Variants in ITGAD observed in about 807,000 individuals in gnomAD.
The protein encoded by ITGAD is integrin alpha-D.
A neutral mutation model predicts 139.0 loss-of-function variants in ITGAD; 105 were observed. That is an observed-to-expected ratio of 0.76 (90% confidence interval 0.65 to 0.89). The LOEUF (loss-of-function observed/expected upper bound fraction) is 0.89. Among genes scored for constraint, ITGAD ranks in the 40% least tolerant of loss-of-function variants. ITGAD has a pLI of 0.00. For missense variants in ITGAD, 1,384 were observed against 1,487.3 expected (o/e 0.93, Z 1.14); for synonymous variants, 569 against 598.3 (o/e 0.95, Z 0.71).
At position 31,411,429 on chromosome 16, in the gene ITGAD, T is replaced by C. The variant is rs768096609; in HGVS notation, c.1619T>C (p.Ile540Thr). 111 of 1,614,070 alleles carry C rather than the reference T, an allele frequency of 6.9e-5. 1 individual carries two copies. Among genetic ancestry groups the C allele is most frequent in the South Asian group, 6.7e-4 (61 of 91,084 alleles). Reference protein sequence around the residue: ...VNEDKLIDVAIGAPGEQENRG... With the variant: ...VNEDKLIDVATGAPGEQENRG... ...GAGGACAAGCTGATAGACGTGGCCA[T>C]TGGGGCCCCGGGAGAGCAGGAGAAC... The change falls in exon 14 of 30, where the codon ATT becomes ACT. Residue 540 changes from isoleucine (I) to threonine (T), a missense_variant. Physicochemically the swap from Ile to Thr is moderately conservative, Grantham distance 89 (BLOSUM62 -1). Transcript: ENST00000389202.
At chr16:31,410,199 G>A (rs1230494696) in intron 10 of ITGAD, among the ~76,000 whole-genome samples, 196 bp from the exon 11 acceptor site, 1 of 152,174 alleles carries the variant, frequency 6.6e-6, no homozygotes, top group Non-Finnish European at 1.5e-5. Context: ...GGCAGACAGG[G>A]TGGAGAGTGA....
At chr16:31,397,696 TGGG>T in intron 4 of ITGAD, 30 bp downstream of exon 4, 1 of 209,038 alleles carries the variant, frequency 4.8e-6, no homozygotes, top group Non-Finnish European at 7.8e-6. Flanking sequence ...CACGGGGGGG[TGGG>T]GTGGGGCGGG....
At position 31,400,500 on chromosome 16, in the gene ITGAD, A is replaced by C. The variant is rs115151737; in HGVS notation, c.428-1615A>C. Among the ~76,000 whole-genome samples, 453 of 152,046 alleles carry C rather than the reference A, an allele frequency of 3.0e-3. 1 individual carries two copies. The highest frequency in any genetic ancestry group is 8.9e-3 in the African/African-American group (367 of 41,452). On this transcript the variant is annotated intron_variant, in intron 5 of 29. Transcript: ENST00000389202. Reference sequence around the variant, plus strand: ...ACTGGGCCCTGAACACAGGCCACACACCCCCCATGAGCCTGGGGACAGCAT... The same window carrying C: ...ACTGGGCCCTGAACACAGGCCACACCCCCCCCATGAGCCTGGGGACAGCAT...
chr16:31,394,244 T>A lies in ITGAD; in HGVS notation c.40T>A (p.Ser14Thr). 2 of 1,613,138 alleles carry A rather than the reference T, an allele frequency of 1.2e-6. No individual in the cohort carries two copies. Among genetic ancestry groups the A allele is most frequent in the Non-Finnish European group, 1.7e-6 (2 of 1,179,290 alleles). Residue 14 changes from serine to threonine, a missense_variant, in exon 2 of 30, where the codon TCT becomes ACT. Physicochemically the swap from Ser to Thr is moderately conservative, Grantham distance 58. Coordinates refer to ENST00000389202, the MANE Select transcript of ITGAD (RefSeq NM_005353.3). ...GTVLLLSVLA[S>T]YHGFNLDVEE... Reference sequence around the variant, plus strand: ...CACCAAATATTCCTCAGTCCTGGCTTCTTATCATGGATTCAACCTGGATGT... The same window carrying A: ...CACCAAATATTCCTCAGTCCTGGCTACTTATCATGGATTCAACCTGGATGT...
At chr16:31,421,670 A>G (rs1358265311) in intron 23 of ITGAD, among the ~76,000 whole-genome samples, 3 of 151,950 alleles carry the variant, frequency 2.0e-5, no homozygotes, top group African/African-American at 4.8e-5. Flanking sequence ...CCTGGTCACA[A>G]CTCTACTACA....
chr16:31,399,480 T>C (rs548315731), intron 5 of ITGAD, among the ~76,000 whole-genome samples: 1 of 152,138 alleles, frequency 6.6e-6, no homozygotes, highest in East Asian at 1.9e-4. Flanking sequence ...ACAGGCATGC[T>C]GGGCCTTTAG....
chr16:31,397,837 T>C lies in ITGAD; in HGVS notation c.355T>C (p.Tyr119His). ...TLHRVCGENS[Y>H]SKGSCLLLGS... ...GCACAGAGTCTGTGGGGAGAACTCA[T>C]ACTCAAAGGGTTCCTGCCTCCTGCT... is the stretch of plus-strand genomic sequence containing the variant. Residue 119 changes from tyrosine (Y) to histidine (H), a missense_variant, in exon 5 of 30, where the codon TAC (tyrosine) becomes CAC (histidine). Coordinates refer to ENST00000389202, the MANE Select transcript of ITGAD (RefSeq NM_005353.3). The C allele has an allele frequency of 6.2e-7, 1 of 1,613,700 alleles. No individual in the cohort carries two copies. The highest frequency in any genetic ancestry group is 2.2e-5 in the East Asian group (1 of 44,862).
At chr16:31,419,925 T>C (rs1420660345) in intron 23 of ITGAD, among the ~76,000 whole-genome samples, 1 of 152,104 alleles carries the variant, frequency 6.6e-6, no homozygotes, top group Non-Finnish European at 1.5e-5. Flanking sequence ...ATACCATAGC[T>C]CTTGCTGCTT....
At chr16:31,419,812 C>CAAAA (rs1202333629) in intron 23 of ITGAD, among the ~76,000 whole-genome samples, 2,415 of 58,196 alleles carry the variant, frequency 0.041, 119 homozygotes, top group African/African-American at 0.13. Context: ...GGCTCTGTCT[C>CAAAA]AAAAAAAAAA....
At chr16:31,423,289 G>T in intron 24 of ITGAD, 63 bp from the exon 25 acceptor site, 1 of 1,582,358 alleles carries the variant, frequency 6.3e-7, no homozygotes. Context: ...GTAGGGCCAG[G>T]AGGGAAGTAG....
rs756681917 is a variant in ITGAD at position 31,410,409 on chromosome 16, G to T, written c.1098G>T (p.Leu366=). 1 of 1,613,992 alleles carries T rather than the reference G, an allele frequency of 6.2e-7. No homozygotes were observed. The highest frequency in any genetic ancestry group is 1.7e-5 in the Admixed American group (1 of 60,012). ...STALTMDGLF[L]GAVGSFSWSG... is the part of the protein sequence containing the mutation. The stretch of plus-strand genomic sequence containing the variant: ...TTTCCTCCCAGGATGGCCTCTTCCT[G>T]GGGGCTGTGGGGAGCTTTAGCTGGT... The change falls in exon 11 of 30, where the codon CTG becomes CTT. Residue 366 remains leucine (L), a synonymous_variant. Coordinates refer to ENST00000389202, the MANE Select transcript of ITGAD (RefSeq NM_005353.3).
chr16:31,414,412 T>A (rs2081827115), intron 16 of ITGAD, 39 bp from the exon 17 acceptor site: 1 of 1,602,456 alleles, frequency 6.2e-7, no homozygotes, highest in Non-Finnish European at 8.5e-7. Flanking sequence ...TTCTAGGTTA[T>A]TTCTGCCTTT....
chr16:31,419,710 T>A (rs2142832545), intron 23 of ITGAD, among the ~76,000 whole-genome samples: 1 of 149,892 alleles, frequency 6.7e-6, no homozygotes, highest in East Asian at 2.0e-4. Flanking sequence ...ACTGGGGAGG[T>A]TAAGGCAAGA....
chr16:31,408,160 C>T (rs1369690598), intron 9 of ITGAD, among the ~76,000 whole-genome samples: 6 of 152,008 alleles, frequency 3.9e-5, no homozygotes, highest in South Asian at 2.1e-4. Flanking sequence ...TTAGTAGAGG[C>T]GGGGTTTTGT....
At chr16:31,408,541 C>T in intron 10 of ITGAD, 43 bp downstream of exon 10, 1 of 1,548,142 alleles carries the variant, frequency 6.5e-7, no homozygotes, top group Non-Finnish European at 8.9e-7. Flanking sequence ...TGGATACCAA[C>T]TCTGCACCCA....
chr16:31,409,034 C>CT (rs989978587), intron 10 of ITGAD, among the ~76,000 whole-genome samples: 2 of 152,176 alleles, frequency 1.3e-5, no homozygotes, highest in African/African-American at 4.8e-5. Flanking sequence ...TGGCTCATGC[C>CT]TGTAATCCCA....
chr16:31,416,769 A>T, intron 20 of ITGAD, 123 bp downstream of exon 20: 1 of 826,446 alleles, frequency 1.2e-6, no homozygotes, highest in Non-Finnish European at 1.8e-6. Flanking sequence ...TCTCTCACAC[A>T]CACACACATA....
intron 14 of ITGAD, 102 bp from the exon 15 acceptor site, chr16:31,412,736 C>T: frequency 1.4e-6 from 2 of 1,459,204 alleles, no homozygotes; most frequent in Non-Finnish European, 1.9e-6. Context: ...CTCACCCCTT[C>T]TCTCCCTTTG....
Position 31,423,162 on chromosome 16 carries a change from G to A in ITGAD, c.2829G>A (p.Lys943=). 6.2e-7 allele frequency: 1 copy of A among 1,614,182 alleles called. No individual in the cohort carries two copies. Among genetic ancestry groups the A allele is most frequent in the Middle Eastern group, 1.6e-4 (1 of 6,062 alleles). Reference sequence around the variant, plus strand: ...TCAACTTTGCAACCTCCGATGAGAAGAAAATGAAAGAGGCTGAGCATCGAT... The same window carrying A: ...TCAACTTTGCAACCTCCGATGAGAAAAAAATGAAAGAGGCTGAGCATCGAT... ...KYFNFATSDE[K]KMKEAEHRYR... is the part of the protein sequence containing the mutation. Residue 943 remains lysine, a synonymous_variant, in exon 24 of 30, where the codon AAG becomes AAA. Coordinates refer to ENST00000389202, the MANE Select transcript of ITGAD (RefSeq NM_005353.3).
Sources: allele counts gnomAD v4.1 joint callset (sites outside exome capture counted in the v4.1 genomes callset), GRCh38; gene constraint gnomAD v4.1.1; transcripts MANE v1.5; gene names NCBI Gene and HGNC (gene_info 2026-07-23, HGNC 2026-07-21).